RGL1: variants seen among roughly 807,000 people sequenced by gnomAD.
The protein encoded by RGL1 is ral guanine nucleotide dissociation stimulator-like 1.
Under a neutral mutation model 95.2 loss-of-function variants are expected in RGL1, and 24 were observed. The observed-to-expected ratio is 0.25, with a 90% CI of 0.18 to 0.35. The LOEUF (loss-of-function observed/expected upper bound fraction) is 0.35, where lower values mean the gene tolerates loss of function less well. Ranked by LOEUF, RGL1 falls within the 10% of genes least tolerant of loss-of-function variation. The probability of loss-of-function intolerance (pLI) is 1.00; values close to 1 mark genes in which losing one functional copy is unlikely to be tolerated. For missense variants in RGL1, 715 were observed against 936.3 expected (o/e 0.76, Z 3.08); for synonymous variants, 329 against 344.9 (o/e 0.95, Z 0.51).
intron 2 of RGL1, among the ~76,000 whole-genome samples, chr1:183,810,884 T>TGTGA: frequency 6.6e-6 from 1 of 152,328 alleles, no homozygotes; most frequent in South Asian, 2.1e-4. Flanking sequence ...GTCTCACTGT[T>TGTGA]GTGCATTTAC....
At chr1:183,721,549 C>G (rs569061055) in intron 1 of RGL1, among the ~76,000 whole-genome samples, 1 of 152,290 alleles carries the variant, frequency 6.6e-6, no homozygotes, top group Non-Finnish European at 1.5e-5. Flanking sequence ...AACGCCTTTC[C>G]CCTTCTGTCC....
At chr1:183,694,418 C>T (rs1252747101) in intron 1 of RGL1, among the ~76,000 whole-genome samples, 1 of 152,190 alleles carries the variant, frequency 6.6e-6, no homozygotes, top group Non-Finnish European at 1.5e-5. Context: ...CATTGATGAC[C>T]ATTTTTTCTT....
intron 1 of RGL1, among the ~76,000 whole-genome samples, chr1:183,665,832 C>T (rs1651987413): frequency 6.6e-6 from 1 of 151,992 alleles, no homozygotes; most frequent in African/African-American, 2.4e-5. Flanking sequence ...GAAAACCTAT[C>T]AGCTTTCGGT....
intron 14 of RGL1, among the ~76,000 whole-genome samples, chr1:183,909,093 G>A (rs1668500585): frequency 6.6e-6 from 1 of 152,184 alleles, no homozygotes; most frequent in Non-Finnish European, 1.5e-5. Flanking sequence ...GTAAAATCTT[G>A]CTGGGATAAC....
At chr1:183,800,602 A>G (rs1038511317), upstream of RGL1, among the ~76,000 whole-genome samples, 1 of 152,210 alleles carries the variant, frequency 6.6e-6, no homozygotes, top group Admixed American at 6.5e-5. Context: ...GATCTCTAGA[A>G]CTTATTCATC....
chr1:183,678,213 T>G (rs1486164373), intron 1 of RGL1, among the ~76,000 whole-genome samples: 2 of 152,170 alleles, frequency 1.3e-5, no homozygotes. Context: ...GTGTGTAACC[T>G]CCTAGGCAAT....
intron 2 of RGL1, among the ~76,000 whole-genome samples, chr1:183,792,125 C>T (rs960010021): frequency 6.6e-6 from 1 of 151,950 alleles, no homozygotes; most frequent in African/African-American, 2.4e-5. Context: ...ATGTCCTCAC[C>T]ACAATCCCAG....
chr1:183,878,154 A>ATCTG (rs983025670), intron 4 of RGL1, among the ~76,000 whole-genome samples: 7 of 118,404 alleles, frequency 5.9e-5, no homozygotes, highest in Non-Finnish European at 9.6e-5. Context: ...TTTTCTTTCT[A>ATCTG]TCTATCTATC....
intron 2 of RGL1, among the ~76,000 whole-genome samples, chr1:183,742,749 C>T (rs553081508): frequency 4.0e-5 from 6 of 150,000 alleles, no homozygotes; most frequent in Non-Finnish European, 7.4e-5. Flanking sequence ...AGAGAGGGGA[C>T]GGGGAGAGAG....
intron 2 of RGL1, among the ~76,000 whole-genome samples, chr1:183,789,963 C>G (rs1484549624): frequency 6.6e-6 from 1 of 151,876 alleles, no homozygotes; most frequent in East Asian, 2.0e-4. Context: ...CACTCTTGCC[C>G]AGGCTGGAGT....
At chr1:183,888,657 G>GT (rs1204098035) in intron 8 of RGL1, 80 bp downstream of exon 8, 19 of 835,116 alleles carry the variant, frequency 2.3e-5, no homozygotes, top group African/African-American at 5.1e-5. Flanking sequence ...TTCAAAGCTT[G>GT]TATCGCATAA....
chr1:183,793,628 C>T (rs895080564), intron 2 of RGL1, among the ~76,000 whole-genome samples: 11 of 151,672 alleles, frequency 7.3e-5, no homozygotes, highest in Non-Finnish European at 1.6e-4. Context: ...TCTGAACAGA[C>T]ATTTCTCAAA....
intron 1 of RGL1, among the ~76,000 whole-genome samples, chr1:183,662,286 T>C (rs1257182856): frequency 1.3e-5 from 2 of 150,882 alleles, no homozygotes; most frequent in Non-Finnish European, 2.9e-5. Flanking sequence ...TGTTTGCAGA[T>C]GACATGATTG....
intron 2 of RGL1, among the ~76,000 whole-genome samples, chr1:183,827,890 T>C (rs1272612512): frequency 6.6e-6 from 1 of 152,238 alleles, no homozygotes; most frequent in South Asian, 2.1e-4. Flanking sequence ...TATGGAGTTA[T>C]GTAATAGGTA....
intron 2 of RGL1, among the ~76,000 whole-genome samples, chr1:183,788,101 C>A (rs1409986135): frequency 6.6e-6 from 1 of 152,176 alleles, no homozygotes; most frequent in African/African-American, 2.4e-5. Context: ...TTACTTTGTT[C>A]ATTCCCTTGT....
chr1:183,854,194 G>A (rs372476458), intron 3 of RGL1, among the ~76,000 whole-genome samples: 32 of 152,182 alleles, frequency 2.1e-4, no homozygotes, highest in African/African-American at 7.7e-4. Context: ...ATTTTGGAGA[G>A]CTGTACCCAA....
At chr1:183,858,822 G>A (rs1243396697) in intron 3 of RGL1, among the ~76,000 whole-genome samples, 2 of 152,116 alleles carry the variant, frequency 1.3e-5, no homozygotes, top group African/African-American at 2.4e-5. Flanking sequence ...ATATTCCGTT[G>A]AGTTTTTGTA....
intron 2 of RGL1, among the ~76,000 whole-genome samples, chr1:183,844,839 T>C (rs946423858): frequency 1.3e-5 from 2 of 152,170 alleles, no homozygotes; most frequent in African/African-American, 4.8e-5. Context: ...ACCAGATCCC[T>C]CTCCCTAGAA....
chr1:183,695,856 A>G (rs1654220966), intron 1 of RGL1, among the ~76,000 whole-genome samples: 1 of 152,170 alleles, frequency 6.6e-6, no homozygotes. Context: ...AATATATTTT[A>G]AAGTTTTGTT....
Sources: allele counts gnomAD v4.1 joint callset (sites outside exome capture counted in the v4.1 genomes callset), GRCh38; gene constraint gnomAD v4.1.1; transcripts MANE v1.5; gene names NCBI Gene and HGNC (gene_info 2026-07-23, HGNC 2026-07-21).